FHOD3: variants seen among roughly 807,000 people sequenced by gnomAD.
FHOD3 encodes formin homology 2 domain containing 3.
A neutral mutation model predicts 173.0 loss-of-function variants in FHOD3; 90 were observed. That is an observed-to-expected ratio of 0.52 (90% CI 0.44 to 0.62). The LOEUF is 0.62. Among genes scored for constraint, FHOD3 ranks in the 20% least tolerant of loss-of-function variants. The pLI, the probability that FHOD3 is intolerant of heterozygous loss-of-function variation, is 0.00. For missense variants in FHOD3, 1,945 were observed against 2,034.7 expected (o/e 0.96, Z 0.85); for synonymous variants, 828 against 823.0 (o/e 1.01, Z -0.10).
intron 19 of FHOD3, among the ~76,000 whole-genome samples, chr18:36,721,673 A>G (rs941073875): frequency 2.6e-5 from 4 of 152,146 alleles, no homozygotes; most frequent in African/African-American, 9.7e-5. Context: ...AACAAACCCC[A>G]CATTACACTG....
At chr18:36,416,321 C>A (rs2049645877) in intron 3 of FHOD3, among the ~76,000 whole-genome samples, 1 of 152,226 alleles carries the variant, frequency 6.6e-6, no homozygotes, top group Non-Finnish European at 1.5e-5. Flanking sequence ...GCGTGAGCCA[C>A]CATGCCCACC....
At chr18:36,485,212 T>C (rs1359704263) in intron 3 of FHOD3, among the ~76,000 whole-genome samples, 3 of 152,182 alleles carry the variant, frequency 2.0e-5, no homozygotes. Context: ...TGGTTCACAT[T>C]CTCTGCCTGA....
chr18:36,665,712 A>G (rs2037136796), intron 14 of FHOD3, among the ~76,000 whole-genome samples: 1 of 152,178 alleles, frequency 6.6e-6, no homozygotes, highest in Non-Finnish European at 1.5e-5. Context: ...GAGAAGAGGC[A>G]AGTGTGCAAA....
chr18:36,312,164 G>A (rs1265075791), intron 1 of FHOD3, among the ~76,000 whole-genome samples: 2 of 152,188 alleles, frequency 1.3e-5, no homozygotes, highest in Admixed American at 1.3e-4. Flanking sequence ...GAATCTCACA[G>A]CAGCAATTGC....
chr18:36,414,086 G>A (rs548587149), intron 3 of FHOD3, among the ~76,000 whole-genome samples: 10 of 152,162 alleles, frequency 6.6e-5, no homozygotes, highest in Non-Finnish European at 1.3e-4. Context: ...TAGTTTTTCA[G>A]CTGAGCACAT....
At chr18:36,431,094 C>T (rs934536754) in intron 3 of FHOD3, among the ~76,000 whole-genome samples, 2 of 152,096 alleles carry the variant, frequency 1.3e-5, no homozygotes, top group African/African-American at 4.8e-5. Flanking sequence ...ACTAAAAAGG[C>T]TAAACGTAAT....
chr18:36,763,345 C>T (rs1057452687), intron 27 of FHOD3, among the ~76,000 whole-genome samples: 11 of 131,418 alleles, frequency 8.4e-5, no homozygotes, highest in South Asian at 2.4e-4. Context: ...ATACAATATG[C>T]GTATTATACA....
chr18:36,549,770 G>C (rs1368634861), intron 5 of FHOD3, among the ~76,000 whole-genome samples: 1 of 148,022 alleles, frequency 6.8e-6, no homozygotes, highest in Non-Finnish European at 1.5e-5. Context: ...GGATGGTCTC[G>C]ATCTCCTGAC....
At chr18:36,551,542 C>A (rs1414499777) in intron 5 of FHOD3, among the ~76,000 whole-genome samples, 1 of 151,764 alleles carries the variant, frequency 6.6e-6, no homozygotes, top group African/African-American at 2.4e-5. Context: ...GTTGCCGTTG[C>A]TTTTGGTGTT....
intron 5 of FHOD3, among the ~76,000 whole-genome samples, chr18:36,554,002 G>T (rs1404953445): frequency 1.3e-5 from 2 of 152,206 alleles, no homozygotes; most frequent in Admixed American, 1.3e-4. Flanking sequence ...TGCTGGAGAA[G>T]ATATGGAGAA....
At chr18:36,698,332 C>G (rs1749088458) in intron 17 of FHOD3, among the ~76,000 whole-genome samples, 1 of 152,152 alleles carries the variant, frequency 6.6e-6, no homozygotes, top group African/African-American at 2.4e-5. Context: ...CCCTTTTTCT[C>G]CTCATAGAAA....
intron 25 of FHOD3, among the ~76,000 whole-genome samples, chr18:36,756,166 A>G (rs916812484): frequency 3.3e-5 from 5 of 152,184 alleles, no homozygotes; most frequent in African/African-American, 4.8e-5. Flanking sequence ...TACCTCATCC[A>G]TTACTGTAAG....
At chr18:36,383,176 G>T (rs2047875886) in intron 3 of FHOD3, among the ~76,000 whole-genome samples, 1 of 152,186 alleles carries the variant, frequency 6.6e-6, no homozygotes, top group Non-Finnish European at 1.5e-5. Flanking sequence ...TTCCTCCTGG[G>T]TAGGTGACTT....
At chr18:36,543,809 CTGAG>C (rs1301813847) in intron 5 of FHOD3, among the ~76,000 whole-genome samples, 2 of 152,216 alleles carry the variant, frequency 1.3e-5, no homozygotes, top group East Asian at 1.9e-4. Context: ...AGTGCTGGTG[CTGAG>C]TGTTTCAAAA....
chr18:36,752,449 G>A (rs1197726250), intron 24 of FHOD3, among the ~76,000 whole-genome samples: 2 of 152,182 alleles, frequency 1.3e-5, no homozygotes. Context: ...AATCAAAGAT[G>A]TTTGACTTGT....
chr18:36,544,332 C>T (rs1317459885), intron 5 of FHOD3, among the ~76,000 whole-genome samples: 1 of 152,258 alleles, frequency 6.6e-6, no homozygotes, highest in Non-Finnish European at 1.5e-5. Context: ...GTGAAGAGCA[C>T]ATGCTGTTTG....
intron 5 of FHOD3, among the ~76,000 whole-genome samples, chr18:36,517,081 G>A (rs2056029806): frequency 1.3e-5 from 2 of 152,152 alleles, no homozygotes; most frequent in African/African-American, 4.8e-5. Context: ...GTGTAGGCAA[G>A]TGCTGTCCAA....
chr18:36,748,009 T>G (rs1433435766), intron 24 of FHOD3, among the ~76,000 whole-genome samples: 1 of 152,100 alleles, frequency 6.6e-6, no homozygotes, highest in Non-Finnish European at 1.5e-5. Context: ...ACATGAACCC[T>G]CTCCCAGCTT....
intron 3 of FHOD3, among the ~76,000 whole-genome samples, chr18:36,458,620 G>A (rs879683639): frequency 5.4e-5 from 8 of 147,842 alleles, no homozygotes; most frequent in South Asian, 4.3e-4. Flanking sequence ...ACAGGCTCAT[G>A]TGTTTTAACA....
Sources: gnomAD v4.1 joint callset for allele counts (sites outside exome capture counted in the v4.1 genomes callset) on GRCh38, gnomAD v4.1.1 for gene constraint, MANE v1.5 for transcripts, NCBI Gene and HGNC (gene_info 2026-07-23, HGNC 2026-07-21) for gene names.